DNAH9: variants seen among roughly 807,000 people sequenced by gnomAD.
DNAH9 encodes DNAH9 variant protein.
In DNAH9, 345 loss-of-function variants were observed where a neutral mutation model predicts 471.6. The observed-to-expected ratio is 0.73, with a 90% confidence interval of 0.67 to 0.80. The LOEUF (loss-of-function observed/expected upper bound fraction) is 0.80. DNAH9 is among the 30% of genes least tolerant of loss of function. The pLI is 0.00. For synonymous variants in DNAH9, 2,093 were observed against 2,123.6 expected (o/e 0.99, Z 0.40); for missense variants, 5,407 against 5,609.2 (o/e 0.96, Z 1.15).
At chr17:11,797,552 C>T (rs1969286365) in intron 42 of DNAH9, 45 bp from the exon 43 acceptor site, 1 of 1,532,236 alleles carries the variant, frequency 6.5e-7, no homozygotes, top group Middle Eastern at 2.4e-4. Context: ...GAACCAGCCC[C>T]AGAAGTCAAT....
At chr17:11,963,337 A>G (rs1019538440) in intron 68 of DNAH9, among the ~76,000 whole-genome samples, 10 of 152,010 alleles carry the variant, frequency 6.6e-5, no homozygotes, top group African/African-American at 1.4e-4. Flanking sequence ...GGAATGCTGA[A>G]GCAGGAGAAT....
chr17:11,749,714 G>A lies in DNAH9; in HGVS notation c.6610+1948G>A, dbSNP rs185249032. Among the ~76,000 whole-genome samples, 55 of 152,122 alleles carry A rather than the reference G, an allele frequency of 3.6e-4. No homozygotes were observed. The South Asian group carries it at 4.6e-3, about 13-fold the overall frequency. On this transcript the variant is annotated intron_variant, in intron 32 of 68. Transcript: ENST00000262442. ...TCTAGATGGATAATTGATTGTAACCGTACCATTTATTAAGTAAACTATCCT... is the reference window on the plus strand; with the variant it reads ...TCTAGATGGATAATTGATTGTAACCATACCATTTATTAAGTAAACTATCCT...
chr17:11,632,205 G>A (rs1280514782), intron 7 of DNAH9, among the ~76,000 whole-genome samples: 7 of 152,204 alleles, frequency 4.6e-5, no homozygotes, highest in South Asian at 2.1e-4. Flanking sequence ...GGGAAGGAAC[G>A]AAAGTGGGTG....
At chr17:11,872,079 C>A (rs1324604393) in intron 52 of DNAH9, among the ~76,000 whole-genome samples, 2 of 152,134 alleles carry the variant, frequency 1.3e-5, no homozygotes, top group Non-Finnish European at 2.9e-5. Context: ...GCTGTGAAAC[C>A]TGAGAGATAG....
At chr17:11,817,336 G>T (rs1297824882) in intron 45 of DNAH9, among the ~76,000 whole-genome samples, 2 of 152,182 alleles carry the variant, frequency 1.3e-5, no homozygotes, top group East Asian at 3.8e-4. Flanking sequence ...AGGTTCTAGG[G>T]ATCTTGGATA....
At chr17:11,685,372 G>A (rs2074223407) in intron 19 of DNAH9, among the ~76,000 whole-genome samples, 1 of 152,242 alleles carries the variant, frequency 6.6e-6, no homozygotes, top group East Asian at 1.9e-4. Flanking sequence ...CTGGGATGCA[G>A]GAAGCAGGAG....
chr17:11,616,627 GA>G (rs2072750602), intron 4 of DNAH9, among the ~76,000 whole-genome samples: 1 of 152,170 alleles, frequency 6.6e-6, no homozygotes, highest in Admixed American at 6.5e-5. Flanking sequence ...TCCTGGCTTT[GA>G]AAACCAGCAG....
intron 67 of DNAH9, among the ~76,000 whole-genome samples, chr17:11,949,808 A>G (rs953499382): frequency 3.9e-5 from 6 of 152,100 alleles, no homozygotes; most frequent in African/African-American, 1.2e-4. Flanking sequence ...CTTTTCCTAA[A>G]TGACTCCTGG....
intron 67 of DNAH9, among the ~76,000 whole-genome samples, chr17:11,954,244 G>C (rs1009537435): frequency 1.3e-5 from 2 of 151,844 alleles, no homozygotes; most frequent in Non-Finnish European, 2.9e-5. Context: ...ATGGGGAAGG[G>C]GGGGGCCAAA....
intron 1 of DNAH9, among the ~76,000 whole-genome samples, chr17:11,604,975 C>G (rs2072468745): frequency 6.6e-6 from 1 of 152,182 alleles, no homozygotes; most frequent in Non-Finnish European, 1.5e-5. Flanking sequence ...GTCCATTTCT[C>G]TGAGAGTAAA....
At chr17:11,965,285 C>T (rs1440796362) in intron 68 of DNAH9, among the ~76,000 whole-genome samples, 8 of 152,200 alleles carry the variant, frequency 5.3e-5, no homozygotes, top group African/African-American at 1.4e-4. Flanking sequence ...CCTGGCTAAG[C>T]ACTGAAGGTG....
intron 67 of DNAH9, among the ~76,000 whole-genome samples, chr17:11,959,515 T>G (rs998794903): frequency 2.0e-5 from 3 of 152,200 alleles, no homozygotes; most frequent in African/African-American, 7.2e-5. Flanking sequence ...CTCAGAGATA[T>G]AAGCAGCATA....
intron 61 of DNAH9, among the ~76,000 whole-genome samples, chr17:11,909,900 C>A (rs1458863707): frequency 6.6e-6 from 1 of 152,194 alleles, no homozygotes; most frequent in Non-Finnish European, 1.5e-5. Flanking sequence ...CCATTACTTT[C>A]CATGGCATCT....
rs767039572 is a variant in DNAH9 at position 11,651,213 on chromosome 17, A to G, written c.2242A>G (p.Lys748Glu). The G allele has an allele frequency of 1.9e-6, 3 of 1,614,088 alleles. No individual in the cohort carries two copies. The Admixed American group carries it at 5.0e-5, about 27-fold the overall frequency. ...AGAGTTGATGGCAAATTGGTACAAC[A>G]AGGTTATGAAAACTCTGCTGGAGGT... ...NLELMANWYN[K>E]VMKTLLEVEF... Residue 748 changes from lysine (K) to glutamate (E), a missense_variant, in exon 13 of 69, where the codon AAG (lysine) becomes GAG (glutamate). Transcript: ENST00000262442.
intron 68 of DNAH9, among the ~76,000 whole-genome samples, chr17:11,964,112 A>C (rs1480659908): frequency 6.6e-5 from 10 of 152,202 alleles, no homozygotes; most frequent in Non-Finnish European, 1.5e-4. Flanking sequence ...CAGCCCTAGG[A>C]AAGCAATTCA....
At chr17:11,670,213 T>G (rs1216772619) in intron 17 of DNAH9, among the ~76,000 whole-genome samples, 1 of 152,202 alleles carries the variant, frequency 6.6e-6, no homozygotes, top group Non-Finnish European at 1.5e-5. Context: ...TCACTAAAAC[T>G]CTGTGCTCCT....
At chr17:11,653,334 C>A (rs77906841) in intron 14 of DNAH9, among the ~76,000 whole-genome samples, 7,009 of 152,208 alleles carry the variant, frequency 0.046, 541 homozygotes, top group African/African-American at 0.16. Flanking sequence ...CATCCCCATC[C>A]CGGCTTGCCC....
At chr17:11,732,237 A>G (rs1201277417) in intron 28 of DNAH9, among the ~76,000 whole-genome samples, 1 of 152,202 alleles carries the variant, frequency 6.6e-6, no homozygotes, top group African/African-American at 2.4e-5. Context: ...ATCAAATGAA[A>G]TAAGTTTAAC....
intron 34 of DNAH9, 116 bp downstream of exon 34, chr17:11,756,792 C>T (rs192559102): frequency 4.8e-5 from 33 of 694,512 alleles, no homozygotes; most frequent in Non-Finnish European, 7.1e-5. Flanking sequence ...AGAAGCCTCA[C>T]GTGCAGTTTT....
Sources: allele counts gnomAD v4.1 joint callset (sites outside exome capture counted in the v4.1 genomes callset), GRCh38; gene constraint gnomAD v4.1.1; transcripts MANE v1.5; gene names NCBI Gene and HGNC (gene_info 2026-07-23, HGNC 2026-07-21).